The following PRKN variants were observed in gnomAD, a reference collection of about 807,000 sequenced individuals.
PRKN encodes parkin RBR E3 ubiquitin protein ligase, also known as E3 ubiquitin-protein ligase parkin.
PRKN carries 56 observed loss-of-function variants against 59.5 expected under a neutral mutation model. The ratio of observed to expected loss-of-function variants is 0.94; its 90% CI spans 0.76 to 1.18. The LOEUF (loss-of-function observed/expected upper bound fraction) is 1.18, where lower values mean the gene tolerates loss of function less well. Among genes scored for constraint, PRKN ranks in the 50% most tolerant of loss-of-function variants. The pLI, the probability that PRKN is intolerant of heterozygous loss-of-function variation, is 0.00. For missense variants in PRKN, 657 were observed against 596.4 expected, an observed-to-expected ratio of 1.10 and a Z score of -1.06; for synonymous variants, 250 against 222.1, an observed-to-expected ratio of 1.13 and a Z score of -1.12.
In PRKN at chr6:162,032,765, G is replaced by A. The variant is rs78399727; in HGVS notation, c.618+21326C>T. Among the ~76,000 whole-genome samples, 712 of 152,238 alleles carry A rather than the reference G, an allele frequency of 4.7e-3. 5 individuals are homozygous for A. Among genetic ancestry groups the A allele is most frequent in the African/African-American group, 0.016 (663 of 41,546 alleles). On this transcript the variant is annotated intron_variant, in intron 5 of 11. Coordinates refer to ENST00000366898, the MANE Select transcript of PRKN (RefSeq NM_004562.3). ...TTGAAAGTTACAGAAAGCCCCATGA[G>A]ACAATGACTCATCTCTGATGTGTGG...
chr6:161,950,217 G>C (rs538769256), intron 6 of PRKN, among the ~76,000 whole-genome samples: 26 of 152,342 alleles, frequency 1.7e-4, no homozygotes, highest in African/African-American at 5.1e-4. Flanking sequence ...AGACAACACA[G>C]AAAACATGAA....
intron 1 of PRKN, among the ~76,000 whole-genome samples, chr6:162,608,329 G>A (rs1469759378): frequency 6.6e-6 from 1 of 152,182 alleles, no homozygotes; most frequent in Non-Finnish European, 1.5e-5. Flanking sequence ...ACTGGAACAG[G>A]TGAATATACC....
At chr6:162,526,245 A>G (rs919566262) in intron 1 of PRKN, among the ~76,000 whole-genome samples, 52 of 144,512 alleles carry the variant, frequency 3.6e-4, no homozygotes, top group African/African-American at 1.3e-3. Context: ...TAAGAACTAT[A>G]ATGCAGAACC....
intron 2 of PRKN, among the ~76,000 whole-genome samples, chr6:162,391,092 C>T (rs779805605): frequency 4.6e-5 from 7 of 152,164 alleles, no homozygotes; most frequent in Non-Finnish European, 8.8e-5. Context: ...TAGCTGGCCA[C>T]AGATGTGAAA....
At chr6:161,653,092 G>A (rs1784208318) in intron 7 of PRKN, among the ~76,000 whole-genome samples, 1 of 152,178 alleles carries the variant, frequency 6.6e-6, no homozygotes, top group African/African-American at 2.4e-5. Flanking sequence ...GGCTGGGCGC[G>A]GTGGCTTATG....
chr6:162,482,560 T>C (rs1792355456), intron 1 of PRKN, among the ~76,000 whole-genome samples: 1 of 152,190 alleles, frequency 6.6e-6, no homozygotes, highest in Non-Finnish European at 1.5e-5. Context: ...ACAGAAATAT[T>C]CACAATATTG....
At chr6:161,995,075 C>G (rs1781792225) in intron 5 of PRKN, among the ~76,000 whole-genome samples, 1 of 152,062 alleles carries the variant, frequency 6.6e-6, no homozygotes, top group Non-Finnish European at 1.5e-5. Flanking sequence ...CAGTAGGGTA[C>G]TGGTATAAAA....
rs1780626656 is a variant in PRKN, at chr6:161,565,969, C to T, written c.933+3386G>A. 3.9e-5 allele frequency among the ~76,000 whole-genome samples: 6 copies of T among 152,298 alleles called. No individual in the cohort carries two copies. The South Asian group carries it at 1.2e-3, about 32-fold the overall frequency. Reference sequence around the variant, plus strand: ...CCAAGCCCATGCCTACATCCAAGGACACTGCTCCTGAATTCTCCCTTCCCC... The same window carrying T: ...CCAAGCCCATGCCTACATCCAAGGATACTGCTCCTGAATTCTCCCTTCCCC... On this transcript the variant is annotated intron_variant, in intron 8 of 11. Coordinates refer to ENST00000366898, the MANE Select transcript of PRKN (RefSeq NM_004562.3).
intron 6 of PRKN, among the ~76,000 whole-genome samples, chr6:161,832,135 C>A (rs375923428): frequency 7.9e-5 from 12 of 152,196 alleles, no homozygotes; most frequent in African/African-American, 2.7e-4. Flanking sequence ...TGACACTTTT[C>A]AATTAGCAAC....
intron 4 of PRKN, among the ~76,000 whole-genome samples, chr6:162,112,145 T>C (rs1204204264): frequency 2.0e-5 from 3 of 152,362 alleles, no homozygotes; most frequent in Non-Finnish European, 4.4e-5. Flanking sequence ...AACAGTTGAA[T>C]AGGGATGTGA....
chr6:162,719,202 A>G (rs1051764559), intron 1 of PRKN, among the ~76,000 whole-genome samples: 1 of 152,222 alleles, frequency 6.6e-6, no homozygotes, highest in Non-Finnish European at 1.5e-5. Context: ...TATTCATGTA[A>G]AAACGTCTTT....
intron 7 of PRKN, among the ~76,000 whole-genome samples, chr6:161,637,611 G>A (rs1177620856): frequency 1.3e-5 from 2 of 151,818 alleles, no homozygotes; most frequent in East Asian, 3.9e-4. Flanking sequence ...GCGTTCCCAG[G>A]CCTGTTGTCA....
At chr6:161,711,855 T>C (rs1393930162) in intron 7 of PRKN, among the ~76,000 whole-genome samples, 1 of 152,176 alleles carries the variant, frequency 6.6e-6, no homozygotes, top group Non-Finnish European at 1.5e-5. Context: ...AGCTTTTGAC[T>C]CTTGGACTTA....
At chr6:161,813,604 G>A (rs1791650943) in intron 6 of PRKN, among the ~76,000 whole-genome samples, 1 of 152,134 alleles carries the variant, frequency 6.6e-6, no homozygotes, top group South Asian at 2.1e-4. Flanking sequence ...GCATCACCAT[G>A]ACGACTCTCT....
intron 4 of PRKN, among the ~76,000 whole-genome samples, chr6:162,127,112 GA>G (rs1781156386): frequency 6.6e-6 from 1 of 152,198 alleles, no homozygotes; most frequent in Admixed American, 6.5e-5. Context: ...TTCAAAGCCA[GA>G]AGGATTTCAA....
chr6:162,319,152 C>CTTCACAAAATCCAAGAAAG, intron 2 of PRKN, among the ~76,000 whole-genome samples: 1 of 151,766 alleles, frequency 6.6e-6, no homozygotes, highest in South Asian at 2.1e-4. Context: ...AAATAAGAAA[C>CTTCACAAAATCCAAGAAAG]AAACATATTT....
intron 6 of PRKN, among the ~76,000 whole-genome samples, chr6:161,874,668 A>G (rs1328226215): frequency 2.4e-5 from 3 of 124,142 alleles, no homozygotes; most frequent in African/African-American, 6.4e-5. Flanking sequence ...AATAAAATAT[A>G]TAATATATAA....
intron 8 of PRKN, among the ~76,000 whole-genome samples, chr6:161,559,976 AG>A (rs760085075): frequency 6.7e-6 from 1 of 149,074 alleles, no homozygotes; most frequent in Non-Finnish European, 1.5e-5. Flanking sequence ...AGGTAACAAC[AG>A]CCAGGTGCTC....
At chr6:162,685,944 G>A (rs1394092488) in intron 1 of PRKN, among the ~76,000 whole-genome samples, 1 of 152,064 alleles carries the variant, frequency 6.6e-6, no homozygotes, top group African/African-American at 2.4e-5. Context: ...AGGAACCTCT[G>A]CTTTGCATGC....
Sources: gnomAD v4.1 joint callset for allele counts (sites outside exome capture counted in the v4.1 genomes callset) on GRCh38, gnomAD v4.1.1 for gene constraint, MANE v1.5 for transcripts, NCBI Gene and HGNC (gene_info 2026-07-23, HGNC 2026-07-21) for gene names.